KIFC2: variants seen among roughly 807,000 people sequenced by gnomAD.
KIFC2 encodes kinesin family member C2.
KIFC2 carries 94 observed loss-of-function variants against 91.5 expected under a neutral mutation model. The ratio of observed to expected loss-of-function variants is 1.03; its 90% CI spans 0.87 to 1.22. KIFC2 has a LOEUF of 1.22. Among genes scored for constraint, KIFC2 ranks in the 50% most tolerant of loss-of-function variants. KIFC2 has a pLI of 0.00. For synonymous variants in KIFC2, 729 were observed against 503.9 expected (o/e 1.45, Z -5.98); for missense variants, 1,357 against 1,103.3 (o/e 1.23, Z -3.26).
Position 144,467,010 on chromosome 8 carries a change from C to T in KIFC2, c.230C>T (p.Ala77Val), listed in dbSNP as rs913683527. ...GSEGAAEGRAAAVSLEEALLR... is the reference protein window; with the variant it reads ...GSEGAAEGRAVAVSLEEALLR... Reference sequence around the variant, plus strand: ...GAAGGCGCAGCCGAGGGCCGCGCGGCCGCGGTGTCCCTGGAAGAGGCCCTA... The same window carrying T: ...GAAGGCGCAGCCGAGGGCCGCGCGGTCGCGGTGTCCCTGGAAGAGGCCCTA... The change falls in exon 3 of 18, where the codon GCC (alanine) becomes GTC (valine). Residue 77 changes from alanine (A) to valine (V), a missense_variant. Ala to Val is a moderately conservative substitution (Grantham distance 64). Coordinates refer to ENST00000645548, the MANE Select transcript of KIFC2 (RefSeq NM_001369769.2). 5.6e-6 allele frequency: 9 copies of T among 1,595,728 alleles called. No homozygotes were observed. The highest frequency in any genetic ancestry group is 2.7e-5 in the African/African-American group (2 of 74,672).
In KIFC2 at chr8:144,469,455, T is replaced by C. The variant is rs374714536; in HGVS notation, c.1223-35T>C. The C allele has an allele frequency of 4.3e-6, 7 of 1,613,688 alleles. No homozygotes were observed. In the African/African-American group the frequency reaches 9.3e-5, roughly 21 times the overall value. ...TGCAGCTTCTCTGTGCTTTAGGGTCTGCGAGGCATTATGCTGACCTGATCC... is the reference window on the plus strand; with the variant it reads ...TGCAGCTTCTCTGTGCTTTAGGGTCCGCGAGGCATTATGCTGACCTGATCC... On this transcript the variant is annotated intron_variant, in intron 11 of 17. Transcript: ENST00000645548.
At position 144,472,145 on chromosome 8, in the gene KIFC2, C is replaced by G; in HGVS notation, c.1493C>G (p.Pro498Arg). The G allele has an allele frequency of 6.2e-7, 1 of 1,613,240 alleles. No individual in the cohort carries two copies. Among genetic ancestry groups the G allele is most frequent in the Non-Finnish European group, 8.5e-7 (1 of 1,179,996 alleles). Residue 498 changes from proline (P) to arginine (R), a missense_variant, in exon 14 of 18, where the codon CCT (proline) becomes CGT (arginine). Physicochemically the swap from Pro to Arg is moderately radical, Grantham distance 103. Coordinates refer to ENST00000645548, the MANE Select transcript of KIFC2 (RefSeq NM_001369769.2). ...ACCCCACCCCATCCTCAGGGCCCTC[C>G]TGAGGACCCCGGCATAGTTCCTAGG... ...TGKTYSMEGP[P>R]EDPGIVPRAL...
intron 14 of KIFC2, 25 bp from the exon 15 acceptor site, chr8:144,472,336 C>T (rs1390758637): frequency 1.2e-6 from 2 of 1,613,508 alleles, no homozygotes; most frequent in Admixed American, 1.7e-5. Flanking sequence ...AATTCTGGAA[C>T]CAAGACCTTC....
rs1824842636 is a variant in KIFC2, at chr8:144,469,537, C to T, written c.1270C>T (p.Leu424Phe). 3.1e-6 allele frequency: 5 copies of T among 1,613,926 alleles called. No individual in the cohort carries two copies. Among genetic ancestry groups the T allele is most frequent in the African/African-American group, 2.7e-5 (2 of 75,066 alleles). Reference sequence around the variant, plus strand: ...GCTGAGGCCAGGGACATCTTCTAGCCTTGTGAGTGTGGAGCCTGGCCCAGG... The same window carrying T: ...GCTGAGGCCAGGGACATCTTCTAGCTTTGTGAGTGTGGAGCCTGGCCCAGG... ...CRLRPGTSSS[L>F]VSVEPGPGGT... The change falls in exon 12 of 18, where the codon CTT becomes TTT. Residue 424 changes from leucine (L) to phenylalanine (F), a missense_variant. By Grantham distance (22) the Leu-to-Phe change is conservative. Coordinates refer to ENST00000645548, the MANE Select transcript of KIFC2 (RefSeq NM_001369769.2).
chr8:144,473,531 C>T lies in KIFC2; in HGVS notation c.*142C>T, dbSNP rs559438262. The T allele has an allele frequency of 8.7e-6, 11 of 1,270,066 alleles. No homozygotes were observed. Among genetic ancestry groups the T allele is most frequent in the East Asian group, 8.1e-5 (3 of 36,846 alleles). 78.7% of individuals were successfully genotyped at this position (1,270,066 alleles called of 1,614,324 possible). A position where few individuals can be genotyped will look rare whatever the true frequency, so the allele number is the denominator to read the frequency against. On this transcript the variant is annotated 3_prime_UTR_variant, in exon 18 of 18. Transcript: ENST00000645548. The stretch of plus-strand genomic sequence containing the variant: ...ATTGCCCCTGAGCTCCCAGAGTCAC[C>T]CCTCCACCTCCGCAGCCAGTGAAGT...
In KIFC2 at chr8:144,467,263, C is replaced by T. The variant is rs1472117529; in HGVS notation, c.391C>T (p.Leu131Phe). 1 of 1,613,572 alleles carries T rather than the reference C, an allele frequency of 6.2e-7. No individual in the cohort carries two copies. Among genetic ancestry groups the T allele is most frequent in the Non-Finnish European group, 8.5e-7 (1 of 1,180,002 alleles). ...TSQLLALLAW[L>F]RSPRGRQALL... ...TCAGCTCTTGGCCCTTCTGGCATGG[C>T]TTCGAAGCCCCAGGGGGAGGCAGGC... The change falls in exon 4 of 18, where the codon CTT becomes TTT. Residue 131 changes from leucine (L) to phenylalanine (F), a missense_variant. Physicochemically the swap from Leu to Phe is conservative, Grantham distance 22. Transcript: ENST00000645548.
intron 5 of KIFC2, 35 bp downstream of exon 5, chr8:144,467,665 G>A (rs1257989581): frequency 1.9e-6 from 3 of 1,606,564 alleles, no homozygotes; most frequent in Admixed American, 1.7e-5. Context: ...ATTGCCGGCT[G>A]GGACGCCAGA....
Position 144,467,756 on chromosome 8 carries a change from T to A in KIFC2, c.658T>A (p.Leu220Met). The change falls in exon 6 of 18, where the codon TTG becomes ATG. Residue 220 changes from leucine (L) to methionine (M), a missense_variant. By Grantham distance (15) the Leu-to-Met change is conservative. Transcript: ENST00000645548. ...GCAGCTGGAACAGCAGGAGGAGGAGTTGGGTCGACTGCGCCTGGGCGTGGT... is the reference window on the plus strand; with the variant it reads ...GCAGCTGGAACAGCAGGAGGAGGAGATGGGTCGACTGCGCCTGGGCGTGGT... Reference protein sequence around the residue: ...KQQLEQQEEELGRLRLGVGAT... With the variant: ...KQQLEQQEEEMGRLRLGVGAT... 1 of 1,613,504 alleles carries A rather than the reference T, an allele frequency of 6.2e-7. No homozygotes were observed. The highest frequency in any genetic ancestry group is 8.5e-7 in the Non-Finnish European group (1 of 1,179,898).
chr8:144,467,176 C>G (rs375661122), intron 3 of KIFC2, 27 bp from the exon 4 acceptor site: 42 of 1,613,174 alleles, frequency 2.6e-5, no homozygotes, highest in Admixed American at 6.7e-5. Flanking sequence ...TTTCACAGCC[C>G]TGCTCGGATT....
At chr8:144,467,165 C>G in intron 3 of KIFC2, 38 bp from the exon 4 acceptor site, 1 of 1,612,984 alleles carries the variant, frequency 6.2e-7, no homozygotes, top group Non-Finnish European at 8.5e-7. Flanking sequence ...GCCTTCCTGG[C>G]TTTCACAGCC....
At chr8:144,468,676 G>C in intron 9 of KIFC2, 26 bp downstream of exon 9, 1 of 1,612,582 alleles carries the variant, frequency 6.2e-7, no homozygotes, top group Non-Finnish European at 8.5e-7. Context: ...GGGGCTCATG[G>C]GAGGCCCTGG....
chr8:144,468,191 G>C (rs916740442), intron 7 of KIFC2, 138 bp from the exon 8 acceptor site: 4 of 1,024,758 alleles, frequency 3.9e-6, no homozygotes, highest in Non-Finnish European at 5.7e-6. Context: ...AGGGACTGTG[G>C]GAAGGAGGTC....
In KIFC2 at chr8:144,469,776, G is replaced by A; in HGVS notation, c.1380+129G>A. The A allele has an allele frequency of 4.3e-6, 5 of 1,172,838 alleles. No homozygotes were observed. In the South Asian group the frequency reaches 6.2e-5, roughly 15 times the overall value. 72.7% of individuals were successfully genotyped at this position (1,172,838 alleles called of 1,614,324 possible). A position where few individuals can be genotyped will look rare whatever the true frequency, so the allele number is the denominator to read the frequency against. On this transcript the variant is annotated intron_variant, in intron 12 of 17. Coordinates refer to ENST00000645548, the MANE Select transcript of KIFC2 (RefSeq NM_001369769.2). ...AGAGAGGGTGGCTGGGCTCTAGCCA[G>A]GAAGGAAAGGGAACCGAGGGGGCTG...
At position 144,466,681 on chromosome 8, in the gene KIFC2, C is replaced by T. The variant is rs1824654493; in HGVS notation, c.100-79C>T. 8 of 1,267,450 alleles carry T rather than the reference C, an allele frequency of 6.3e-6. No homozygotes were observed. In the Middle Eastern group the frequency reaches 8.3e-4, roughly 131 times the overall value. 78.5% of individuals were successfully genotyped at this position (1,267,450 alleles called of 1,614,324 possible). The stretch of plus-strand genomic sequence containing the variant: ...GGAAGCGTAGACTTCGGCCCCAATC[C>T]TCCGGCCCGGTTCGCGGAGGGAAGG... On this transcript the variant is annotated intron_variant, in intron 1 of 17. Transcript: ENST00000645548.
At position 144,473,021 on chromosome 8, in the gene KIFC2, C is replaced by T. The variant is rs547420873; in HGVS notation, c.2088C>T (p.Gly696=). 69 of 1,418,732 alleles carry T rather than the reference C, an allele frequency of 4.9e-5. No individual in the cohort carries two copies. The African/African-American group carries it at 9.7e-4, about 20-fold the overall frequency. 87.9% of individuals were successfully genotyped at this position (1,418,732 alleles called of 1,614,324 possible). ...CGCGACTGCTGCAGCCGGCGCTGGG[C>T]CCAGGCACCACCGCGGTGCTGCTGC... The part of the protein sequence containing the change: ...QLTRLLQPAL[G]PGTTAVLLLQ... The change falls in exon 17 of 18, where the codon GGC becomes GGT. Residue 696 remains glycine, a synonymous_variant. Coordinates refer to ENST00000645548, the MANE Select transcript of KIFC2 (RefSeq NM_001369769.2).
Position 144,472,830 on chromosome 8 carries a change from C to G in KIFC2, c.1897C>G (p.Arg633Gly). The G allele has an allele frequency of 1.3e-6, 2 of 1,574,508 alleles. No homozygotes were observed. Among genetic ancestry groups the G allele is most frequent in the Non-Finnish European group, 1.7e-6 (2 of 1,170,928 alleles). The change falls in exon 17 of 18, where the codon CGC (arginine) becomes GGC (glycine). Residue 633 changes from arginine (R) to glycine (G), a missense_variant. Coordinates refer to ENST00000645548, the MANE Select transcript of KIFC2 (RefSeq NM_001369769.2). ...CCTGGTGGACCTGGCGGGATCCGAA[C>G]GCGCACGGAAGGCAGGGGCGGCCGG... is the stretch of plus-strand genomic sequence containing the variant. ...LHLVDLAGSE[R>G]ARKAGAAGPP...
Position 144,471,937 on chromosome 8 carries a change from C to T in KIFC2, c.1381-5C>T, listed in dbSNP as rs752236502. On this transcript the variant is annotated splice_polypyrimidine_tract_variant and splice_region_variant and intron_variant, in intron 12 of 17. Transcript: ENST00000645548. ...ACTCAAAACACATTCTCCCGCCTCC[C>T]GCAGGTCTTCAGAGAGCTGGAACCT... The T allele has an allele frequency of 2.0e-5, 33 of 1,612,704 alleles. 1 individual carries two copies. The highest frequency in any genetic ancestry group is 1.3e-4 in the South Asian group (12 of 91,082).
Position 144,467,988 on chromosome 8 carries a change from G to T in KIFC2, c.810+1G>T. On this transcript the variant is annotated splice_donor_variant, in intron 7 of 17. Transcript: ENST00000645548. LOFTEE classifies it high-confidence loss of function. ...CGGGCCCCCCATCAGGGCTCCGCAGGTACTCTGCTCCCGAGCTGCAGCCGT... is the reference window on the plus strand; with the variant it reads ...CGGGCCCCCCATCAGGGCTCCGCAGTTACTCTGCTCCCGAGCTGCAGCCGT... The T allele has an allele frequency of 6.5e-7, 1 of 1,548,134 alleles. No homozygotes were observed.
chr8:144,473,441 G>C lies in KIFC2; in HGVS notation c.*52G>C. 6.5e-7 allele frequency: 1 copy of C among 1,531,432 alleles called. No homozygotes were observed. The highest frequency in any genetic ancestry group is 8.7e-7 in the Non-Finnish European group (1 of 1,143,832). The allele number at this position is 1,531,432 out of a possible 1,614,324, so 94.9% of individuals were successfully genotyped here. A position where few individuals can be genotyped will look rare whatever the true frequency, so the allele number is the denominator to read the frequency against. ...GTCTCAGGCCAGGTCTCTGCTGGCA[G>C]AGGCGGTAGTAAAGTCCCTGTACCC... On this transcript the variant is annotated 3_prime_UTR_variant, in exon 18 of 18. Coordinates refer to ENST00000645548, the MANE Select transcript of KIFC2 (RefSeq NM_001369769.2).
Sources: allele counts gnomAD v4.1 joint callset, GRCh38; gene constraint gnomAD v4.1.1; transcripts MANE v1.5; gene names NCBI Gene and HGNC (gene_info 2026-07-23, HGNC 2026-07-21).